The following ZNF503 variants were observed in gnomAD, a reference collection of about 807,000 sequenced individuals.
ZNF503 encodes zinc finger protein 503.
In ZNF503, 15 loss-of-function variants were observed where a neutral mutation model predicts 34.4. That is an observed-to-expected ratio of 0.44 (90% CI 0.29 to 0.67). The LOEUF is 0.67. Among genes scored for constraint, ZNF503 ranks in the 30% least tolerant of loss-of-function variants. The pLI, the probability that ZNF503 is intolerant of heterozygous loss-of-function variation, is 0.13. For synonymous variants in ZNF503, 580 were observed against 456.8 expected, an observed-to-expected ratio of 1.27 and a Z score of -3.44; for missense variants, 1,007 against 926.8, an observed-to-expected ratio of 1.09 and a Z score of -1.12.
chr10:75,283,356 A>C, the ZNF503 span: 1 of 152,448 alleles, frequency 6.6e-6, no homozygotes. Context: ...AGCAGCAGAC[A>C]TACGTGTGGC....
At chr10:75,366,475 A>G in the ZNF503 span, among the ~76,000 whole-genome samples, 1 of 152,158 alleles carries the variant, frequency 6.6e-6, no homozygotes, top group Non-Finnish European at 1.5e-5. Flanking sequence ...AGGCGACCTG[A>G]CTTTTCAGCT....
rs745483116 is a variant in ZNF503 at position 75,401,274 on chromosome 10, G to C, written c.146C>G (p.Pro49Arg). Residue 49 changes from proline (P) to arginine (R), a missense_variant, in exon 1 of 2, where the codon CCG (proline) becomes CGG (arginine). Physicochemically the swap from Pro to Arg is moderately radical, Grantham distance 103 (BLOSUM62 -2). Coordinates refer to ENST00000372524, the MANE Select transcript of ZNF503 (RefSeq NM_032772.6). ...NSSGPGPGSS[P>R]AGSTKPFVHA... Reference sequence around the variant, plus strand: ...CACAAAAGGCTTGGTGCTGCCGGCCGGGGACGAGCCTGGGCCGGGGCCGGA... The same window carrying C: ...CACAAAAGGCTTGGTGCTGCCGGCCCGGGACGAGCCTGGGCCGGGGCCGGA... The C allele has an allele frequency of 1.5e-5, 24 of 1,588,912 alleles. No individual in the cohort carries two copies. Among genetic ancestry groups the C allele is most frequent in the Non-Finnish European group, 9.4e-6 (11 of 1,169,398 alleles).
the ZNF503 span, among the ~76,000 whole-genome samples, chr10:75,375,643 A>G: frequency 6.6e-6 from 1 of 151,950 alleles, no homozygotes. Flanking sequence ...CAGCCTCTGT[A>G]GTAGCTGAGA....
chr10:75,360,114 C>CCT, the ZNF503 span, among the ~76,000 whole-genome samples: 1 of 108,488 alleles, frequency 9.2e-6, no homozygotes, highest in Admixed American at 1.0e-4. Context: ...CCAAAGGTTT[C>CCT]TTTTTTTTTT....
chr10:75,330,443 A>C, the ZNF503 span, among the ~76,000 whole-genome samples: 1 of 152,126 alleles, frequency 6.6e-6, no homozygotes, highest in Non-Finnish European at 1.5e-5. Context: ...TCTTCTTTAC[A>C]GGTTTGGTAG....
At chr10:75,335,134 C>G in the ZNF503 span, among the ~76,000 whole-genome samples, 1 of 152,120 alleles carries the variant, frequency 6.6e-6, no homozygotes, top group Admixed American at 6.5e-5. Flanking sequence ...CCTCAGTTTT[C>G]ATATCTCTAA....
the ZNF503 span, among the ~76,000 whole-genome samples, chr10:75,325,604 G>A: frequency 6.6e-6 from 1 of 152,062 alleles, no homozygotes; most frequent in East Asian, 1.9e-4. Context: ...TAGATCTTGT[G>A]CCTTTCTCAT....
At chr10:75,353,945 G>A in the ZNF503 span, among the ~76,000 whole-genome samples, 1 of 152,304 alleles carries the variant, frequency 6.6e-6, no homozygotes, top group Non-Finnish European at 1.5e-5. Flanking sequence ...TTGGGAAATC[G>A]GCAAGGAGGA....
the ZNF503 span, among the ~76,000 whole-genome samples, chr10:75,357,808 T>G: frequency 6.6e-6 from 1 of 152,106 alleles, no homozygotes; most frequent in African/African-American, 2.4e-5. Context: ...GCAGGCCTGG[T>G]AGCTTAAAGG....
At chr10:75,287,243 C>T in the ZNF503 span, among the ~76,000 whole-genome samples, 1 of 152,106 alleles carries the variant, frequency 6.6e-6, no homozygotes, top group Non-Finnish European at 1.5e-5. Context: ...CTGCCACCTC[C>T]CATGCTGCAG....
chr10:75,298,252 T>C, the ZNF503 span, among the ~76,000 whole-genome samples: 4 of 152,220 alleles, frequency 2.6e-5, no homozygotes, highest in African/African-American at 9.6e-5. Flanking sequence ...ATTATGTGTT[T>C]CTAATATATT....
At chr10:75,300,532 T>C in the ZNF503 span, among the ~76,000 whole-genome samples, 5 of 152,254 alleles carry the variant, frequency 3.3e-5, no homozygotes, top group African/African-American at 9.6e-5. Context: ...AGTTTACGTT[T>C]AGAGATTGCA....
chr10:75,390,178 T>A, the ZNF503 span, among the ~76,000 whole-genome samples: 3,703 of 152,212 alleles, frequency 0.024, 157 homozygotes, highest in African/African-American at 0.084. Flanking sequence ...ATTACAGGCA[T>A]GATTTCTTTT....
At chr10:75,287,983 A>G in the ZNF503 span, among the ~76,000 whole-genome samples, 1 of 152,180 alleles carries the variant, frequency 6.6e-6, no homozygotes, top group Non-Finnish European at 1.5e-5. Flanking sequence ...GGTGTTGTCC[A>G]GAGGAAAGGA....
At chr10:75,310,379 G>A in the ZNF503 span, among the ~76,000 whole-genome samples, 13 of 152,232 alleles carry the variant, frequency 8.5e-5, no homozygotes, top group East Asian at 5.8e-4. Flanking sequence ...GCCAAAGAGC[G>A]TAGACTAAAA....
rs1193980390 is a variant in ZNF503 at position 75,399,538 on chromosome 10, G to A, written c.1152C>T (p.Thr384=). ...GCGCCCCCACCAGGCTGCCCGGCTT[G>A]GTGGGGTCAAGTGCCACGCCGTGTG... ...FLPHGVALDP[T]KPGSLVGAQL... The change falls in exon 2 of 2, where the codon ACC becomes ACT. Residue 384 remains threonine, a synonymous_variant. Coordinates refer to ENST00000372524, the MANE Select transcript of ZNF503 (RefSeq NM_032772.6). The A allele has an allele frequency of 6.3e-7, 1 of 1,590,764 alleles. No individual in the cohort carries two copies. Among genetic ancestry groups the A allele is most frequent in the Admixed American group, 1.7e-5 (1 of 59,558 alleles).
the ZNF503 span, among the ~76,000 whole-genome samples, chr10:75,370,778 CAAAAAAAAAAAAAAAAAAAAAAAA>C: frequency 5.3e-4 from 36 of 67,974 alleles, 1 homozygote; most frequent in Admixed American, 8.7e-4. Context: ...GGCTCCATCT[CAAAAAAAAAAAAAAAAAAAAAAAA>C]AAAAAAAAAA....
chr10:75,335,792 C>G, the ZNF503 span, among the ~76,000 whole-genome samples: 1 of 152,140 alleles, frequency 6.6e-6, no homozygotes, highest in African/African-American at 2.4e-5. Context: ...GAACCTCTGT[C>G]TTTGTCCCTC....
the ZNF503 span, among the ~76,000 whole-genome samples, chr10:75,324,950 GA>G: frequency 1.2e-4 from 19 of 152,108 alleles, no homozygotes; most frequent in African/African-American, 4.6e-4. Context: ...TTTTATGGCT[GA>G]AAAGTATTTC....
Sources: allele counts gnomAD v4.1 joint callset (sites outside exome capture counted in the v4.1 genomes callset), GRCh38; gene constraint gnomAD v4.1.1; transcripts MANE v1.5; gene names NCBI Gene and HGNC (gene_info 2026-07-23, HGNC 2026-07-21).